PPEF1: variants seen among roughly 807,000 people sequenced by gnomAD.
The protein encoded by PPEF1 is protein phosphatase with EF-hand domain 1, also known as serine/threonine-protein phosphatase with EF-hands 1.
In PPEF1, 12 loss-of-function variants were observed where a neutral mutation model predicts 53.3. That is an observed-to-expected ratio of 0.23 (90% CI 0.14 to 0.36). The LOEUF is 0.36. Ranked by LOEUF, PPEF1 falls within the 10% of genes least tolerant of loss-of-function variation. The pLI, the probability that PPEF1 is intolerant of heterozygous loss-of-function variation, is 1.00. For missense variants in PPEF1, 334 were observed against 490.4 expected, an observed-to-expected ratio of 0.68 and a Z score of 3.01; for synonymous variants, 165 against 176.7, an observed-to-expected ratio of 0.93 and a Z score of 0.52.
chrX:18,794,118 A>G (rs2147645978), intron 10 of PPEF1, among the ~76,000 whole-genome samples: 1 of 112,991 alleles, frequency 8.9e-6, no homozygotes, highest in Admixed American at 9.3e-5. Context: ...AGAGTGCTCT[A>G]CAGTCTGATC....
chrX:18,713,146 A>G (rs2044365321), intron 1 of PPEF1, among the ~76,000 whole-genome samples: 1 of 111,722 alleles, frequency 9.0e-6, no homozygotes, highest in Admixed American at 9.6e-5. Context: ...AATGAGTTGG[A>G]AAGTGTTCCC....
At chrX:18,808,354 G>A (rs1054476802) in intron 12 of PPEF1, among the ~76,000 whole-genome samples, 4 of 110,498 alleles carry the variant, frequency 3.6e-5, no homozygotes, top group Non-Finnish European at 5.7e-5. Context: ...GAACATCACC[G>A]CAAGTTAGTA....
rs749122735 is a variant in PPEF1 at position 18,740,916 on chromosome X, AT to A, written c.235+7130del. 7.8e-3 allele frequency among the ~76,000 whole-genome samples: 587 copies of A among 75,157 alleles called. 1 individual carries two copies. Among genetic ancestry groups the A allele is most frequent in the African/African-American group, 0.021 (423 of 19,918 alleles). 65.3% of individuals were successfully genotyped at this position (75,157 alleles called of 115,157 possible). A position where few individuals can be genotyped will look rare whatever the true frequency, so the allele number is the denominator to read the frequency against. On this transcript the variant is annotated intron_variant, in intron 3 of 15. Coordinates refer to ENST00000470157, the MANE Select transcript of PPEF1 (RefSeq NM_001377996.1). ...CATTTTGCTTTAATTTGGGCCAACC[AT>A]TTTTTTTTTTTTTTTTTTTTTGCTC... is the stretch of plus-strand genomic sequence containing the variant.
intron 7 of PPEF1, among the ~76,000 whole-genome samples, chrX:18,780,608 C>T (rs778658064): frequency 1.8e-5 from 2 of 111,461 alleles, no homozygotes; most frequent in Non-Finnish European, 3.8e-5. Context: ...AATACACGCT[C>T]GTCAATTAGG....
rs193203723 is a variant in PPEF1 at position 18,784,936 on chromosome X, G to A, written c.912+888G>A. 1.6e-3 allele frequency among the ~76,000 whole-genome samples: 173 copies of A among 110,649 alleles called. 1 individual carries two copies. Among genetic ancestry groups the A allele is most frequent in the South Asian group, 3.9e-3 (10 of 2,569 alleles). ...GCCCTCAGGCTAGAGGTGTAGGGGCGCCACATGGGTTGAAGACCAGTAACA... is the reference window on the plus strand; with the variant it reads ...GCCCTCAGGCTAGAGGTGTAGGGGCACCACATGGGTTGAAGACCAGTAACA... On this transcript the variant is annotated intron_variant, in intron 9 of 15. Coordinates refer to ENST00000470157, the MANE Select transcript of PPEF1 (RefSeq NM_001377996.1).
chrX:18,802,030 G>A (rs936913451), intron 10 of PPEF1, among the ~76,000 whole-genome samples: 4 of 108,937 alleles, frequency 3.7e-5, no homozygotes, highest in East Asian at 2.9e-4. Context: ...ATAGATGAGA[G>A]CCACAAAGAC....
At chrX:18,726,750 C>A (rs1350974208) in intron 1 of PPEF1, among the ~76,000 whole-genome samples, 1 of 109,659 alleles carries the variant, frequency 9.1e-6, no homozygotes, top group Non-Finnish European at 1.9e-5. Context: ...CAACCTCCGT[C>A]TCCTAGGTTC....
chrX:18,736,118 A>C (rs1255733779), intron 3 of PPEF1, among the ~76,000 whole-genome samples: 33 of 111,182 alleles, frequency 3.0e-4, no homozygotes, highest in African/African-American at 1.0e-3. Flanking sequence ...AATACCCTTT[A>C]TTTCTTTCTC....
At chrX:18,685,671 C>T (rs1245665718) in intron 2 of PPEF1, among the ~76,000 whole-genome samples, 13 of 85,912 alleles carry the variant, frequency 1.5e-4, no homozygotes, top group African/African-American at 6.3e-4. Flanking sequence ...GGTGAAAGAG[C>T]GAGACTCCAT....
intron 6 of PPEF1, among the ~76,000 whole-genome samples, chrX:18,770,049 G>A (rs573803519): frequency 1.8e-5 from 2 of 111,783 alleles, no homozygotes; most frequent in African/African-American, 6.5e-5. Context: ...TGGACTTTCT[G>A]TATCTGTCAA....
At chrX:18,805,453 T>C (rs928899445) in intron 11 of PPEF1, among the ~76,000 whole-genome samples, 1 of 111,945 alleles carries the variant, frequency 8.9e-6, no homozygotes, top group Admixed American at 9.6e-5. Flanking sequence ...GGTTTCTTTG[T>C]AGTAAGAAAA....
At position 18,772,117 on chromosome X, in the gene PPEF1, C is replaced by T. The variant is rs536293964; in HGVS notation, c.559-6893C>T. Among the ~76,000 whole-genome samples the T allele has an allele frequency of 6.3e-5, 7 of 111,337 alleles. No individual in the cohort carries two copies. In the South Asian group the frequency reaches 1.5e-3, roughly 24 times the overall value. On this transcript the variant is annotated intron_variant, in intron 6 of 15. Coordinates refer to ENST00000470157, the MANE Select transcript of PPEF1 (RefSeq NM_001377996.1). The stretch of plus-strand genomic sequence containing the variant: ...TGAGCCGAGATTGCATCACTGCACT[C>T]CAATGTAGGCGACAGGGCAAGACTC...
chrX:18,823,177 C>T (rs1432490443), intron 13 of PPEF1, among the ~76,000 whole-genome samples: 3 of 111,134 alleles, frequency 2.7e-5, no homozygotes, highest in African/African-American at 9.8e-5. Context: ...ATGGATATCC[C>T]TATAAAAATA....
intron 10 of PPEF1, among the ~76,000 whole-genome samples, chrX:18,796,756 C>T (rs929823355): frequency 6.3e-5 from 7 of 111,257 alleles, no homozygotes; most frequent in Non-Finnish European, 1.1e-4. Flanking sequence ...GCTGTGAGTC[C>T]AAAATATTTA....
At chrX:18,779,542 T>C (rs1262865340) in intron 7 of PPEF1, among the ~76,000 whole-genome samples, 1 of 112,179 alleles carries the variant, frequency 8.9e-6, no homozygotes, top group Non-Finnish European at 1.9e-5. Context: ...CTGTTGCTAC[T>C]CTTGGCTTGC....
intron 3 of PPEF1, among the ~76,000 whole-genome samples, chrX:18,734,529 T>C (rs1218482291): frequency 9.0e-6 from 1 of 111,259 alleles, no homozygotes; most frequent in Non-Finnish European, 1.9e-5. Flanking sequence ...AGTCTATCAT[T>C]GATGGACATT....
intron 1 of PPEF1, among the ~76,000 whole-genome samples, chrX:18,719,093 G>T (rs2044523535): frequency 8.9e-6 from 1 of 111,736 alleles, no homozygotes; most frequent in Non-Finnish European, 1.9e-5. Flanking sequence ...TAAAATGATA[G>T]GAATTCTTTT....
upstream of PPEF1, among the ~76,000 whole-genome samples, chrX:18,706,574 G>A (rs961143276): frequency 1.6e-4 from 18 of 109,477 alleles, no homozygotes; most frequent in South Asian, 4.0e-4. Flanking sequence ...GCAAAACCCC[G>A]TCTCTACTAA....
intron 5 of PPEF1, chrX:18,699,972 G>C (rs1243693542): frequency 1.8e-5 from 2 of 112,107 alleles, no homozygotes; most frequent in East Asian, 2.8e-4. Flanking sequence ...CAATAGCGTG[G>C]TCCTGCCCAT....
Sources: allele counts gnomAD v4.1 joint callset (sites outside exome capture counted in the v4.1 genomes callset), GRCh38; gene constraint gnomAD v4.1.1; transcripts MANE v1.5; gene names NCBI Gene and HGNC (gene_info 2026-07-23, HGNC 2026-07-21).